PADI1: variants seen among roughly 807,000 people sequenced by gnomAD.
PADI1 encodes protein-arginine deiminase type-1.
Under a neutral mutation model 74.8 loss-of-function variants are expected in PADI1, and 65 were observed. That is an observed-to-expected ratio of 0.87 (90% CI 0.71 to 1.07). The LOEUF is 1.07. Among genes scored for constraint, PADI1 ranks in the 50% least tolerant of loss-of-function variants. The pLI, the probability that PADI1 is intolerant of heterozygous loss-of-function variation, is 0.00. For synonymous variants in PADI1, 371 were observed against 336.2 expected, an observed-to-expected ratio of 1.10 and a Z score of -1.13; for missense variants, 943 against 854.0, an observed-to-expected ratio of 1.10 and a Z score of -1.30.
intron 1 of PADI1, among the ~76,000 whole-genome samples, chr1:17,210,112 T>A (rs2071795199): frequency 6.6e-6 from 1 of 152,170 alleles, no homozygotes; most frequent in Non-Finnish European, 1.5e-5. Context: ...AGTGTTGGGA[T>A]TACAGGTGTG....
chr1:17,207,425 A>G (rs1309957938), intron 1 of PADI1, among the ~76,000 whole-genome samples: 2 of 152,260 alleles, frequency 1.3e-5, no homozygotes, highest in East Asian at 3.8e-4. Context: ...TCTGAAAATG[A>G]AGAAACAATA....
rs1395990970 is a variant in PADI1 at position 17,222,373 on chromosome 1, T to TGTGC, written c.177_178insTGCG (p.Lys60CysfsTer15). The TGTGC allele has an allele frequency of 3.1e-6, 5 of 1,613,884 alleles. No homozygotes were observed. In the Admixed American group the frequency reaches 8.3e-5, roughly 27 times the overall value. On this transcript the variant is annotated frameshift_variant, in exon 2 of 16. Coordinates refer to ENST00000375471, the MANE Select transcript of PADI1 (RefSeq NM_013358.3). LOFTEE classifies it high-confidence loss of function. Reference sequence around the variant, plus strand: ...TTCATGGTCTACAACCGCACACGTGTGAAAGAGCCCATAGGCAAGGCCCGT... The same window carrying TGTGC: ...TTCATGGTCTACAACCGCACACGTGTGTGCGAAAGAGCCCATAGGCAAGGCCCGT...
chr1:17,244,313 A>G lies in PADI1; in HGVS notation c.*70A>G, dbSNP rs1279007056. ...CCTGCCAGGGTGAAGGCAAGGAACA[A>G]CCACCTGGCCTCCATTCTCTTGGGG... On this transcript the variant is annotated 3_prime_UTR_variant, in exon 16 of 16. Transcript: ENST00000375471. 8.7e-7 allele frequency: 1 copy of G among 1,151,324 alleles called. No individual in the cohort carries two copies. Among genetic ancestry groups the G allele is most frequent in the East Asian group, 2.3e-5 (1 of 42,680 alleles). 71.3% of individuals were successfully genotyped at this position (1,151,324 alleles called of 1,614,324 possible).
chr1:17,237,523 G>A lies in PADI1; in HGVS notation c.1458+65G>A, dbSNP rs137873944. ...TGTCTGACCTGATGGGATGAGTCAG[G>A]GCAAAGCCATCTGGAACCAGCTCAA... On this transcript the variant is annotated intron_variant, in intron 12 of 15. Transcript: ENST00000375471. 5.4e-6 allele frequency: 8 copies of A among 1,474,620 alleles called. No individual in the cohort carries two copies. The African/African-American group carries it at 1.1e-4, about 21-fold the overall frequency. 91.3% of individuals were successfully genotyped at this position (1,474,620 alleles called of 1,614,324 possible). A position where few individuals can be genotyped will look rare whatever the true frequency, so the allele number is the denominator to read the frequency against.
intron 9 of PADI1, 104 bp downstream of exon 9, chr1:17,230,312 C>T (rs2072452132): frequency 1.4e-6 from 2 of 1,420,550 alleles, no homozygotes; most frequent in Non-Finnish European, 9.5e-7. Flanking sequence ...CCACGGCAGC[C>T]TGGGCCAGGC....
chr1:17,232,079 C>T (rs1295253712), intron 10 of PADI1, among the ~76,000 whole-genome samples: 1 of 152,150 alleles, frequency 6.6e-6, no homozygotes, highest in East Asian at 1.9e-4. Flanking sequence ...GCTGGGATTA[C>T]AGGTGTCCCC....
In PADI1 at chr1:17,222,467, C is replaced by T; in HGVS notation, c.270C>T (p.Phe90=). The T allele has an allele frequency of 6.2e-7, 1 of 1,612,188 alleles. No homozygotes were observed. Among genetic ancestry groups the T allele is most frequent in the Middle Eastern group, 1.7e-4 (1 of 6,058 alleles). ...VGTASKELKD[F]KVRVSYFGEQ... ...CAGCCAGTAAGGAATTAAAGGACTT[C>T]AAGGTAAGAGGCCACTTTCTCATAG... The change falls in exon 2 of 16, where the codon TTC becomes TTT. Residue 90 remains phenylalanine, a synonymous_variant. Coordinates refer to ENST00000375471, the MANE Select transcript of PADI1 (RefSeq NM_013358.3).
At chr1:17,208,075 C>T (rs1016806476) in intron 1 of PADI1, among the ~76,000 whole-genome samples, 5 of 152,236 alleles carry the variant, frequency 3.3e-5, no homozygotes, top group Non-Finnish European at 7.3e-5. Flanking sequence ...CCAACCCCTT[C>T]ACCCAGTGTC....
At chr1:17,237,581 A>C in intron 12 of PADI1, 123 bp downstream of exon 12, 1 of 944,306 alleles carries the variant, frequency 1.1e-6, no homozygotes, top group Non-Finnish European at 1.5e-6. Flanking sequence ...GGATTGGGAC[A>C]TTTTCTGGGT....
At chr1:17,223,189 C>T (rs1216754267) in intron 2 of PADI1, among the ~76,000 whole-genome samples, 1 of 152,172 alleles carries the variant, frequency 6.6e-6, no homozygotes, top group African/African-American at 2.4e-5. Context: ...GATTCTGGAC[C>T]ACGCTAAAAG....
chr1:17,240,112 G>A (rs901753471), intron 14 of PADI1: 5 of 336,524 alleles, frequency 1.5e-5, no homozygotes, highest in African/African-American at 1.0e-4. Flanking sequence ...ATAGGACCTT[G>A]AGGGGCCCAG....
chr1:17,225,456 A>G (rs1023636586), intron 4 of PADI1, among the ~76,000 whole-genome samples: 7 of 152,184 alleles, frequency 4.6e-5, no homozygotes, highest in African/African-American at 1.7e-4. Context: ...CCCGACCCTC[A>G]TCAAGGTCAT....
At chr1:17,229,145 G>A (rs2072415524) in intron 8 of PADI1, 94 bp downstream of exon 8, 13 of 791,744 alleles carry the variant, frequency 1.6e-5, no homozygotes, top group Admixed American at 2.3e-5. Context: ...TCACACCGAC[G>A]GATTCATTGC....
At chr1:17,209,315 C>T (rs1465603251) in intron 1 of PADI1, among the ~76,000 whole-genome samples, 1 of 152,178 alleles carries the variant, frequency 6.6e-6, no homozygotes. Context: ...AGGAAGAACA[C>T]TATTCACCAG....
chr1:17,215,393 ATCGTC>A (rs1557452856), intron 1 of PADI1, among the ~76,000 whole-genome samples: 1 of 130,062 alleles, frequency 7.7e-6, no homozygotes, highest in African/African-American at 3.8e-5. Flanking sequence ...CATCATCATC[ATCGTC>A]ATCATCATCA....
At chr1:17,213,044 C>T (rs2071875465) in intron 1 of PADI1, among the ~76,000 whole-genome samples, 1 of 152,222 alleles carries the variant, frequency 6.6e-6, no homozygotes, top group South Asian at 2.1e-4. Flanking sequence ...CCTTCCAGTC[C>T]CCGACAAGGG....
chr1:17,215,652 G>T (rs1170767428), intron 1 of PADI1, among the ~76,000 whole-genome samples: 1 of 152,112 alleles, frequency 6.6e-6, no homozygotes, highest in Admixed American at 6.5e-5. Context: ...AGGCCGACTG[G>T]ATTCAATCAT....
rs143089550 is a variant in PADI1 at position 17,223,692 on chromosome 1, C to T, written c.345C>T (p.Val115=). 7.7e-5 allele frequency: 124 copies of T among 1,613,340 alleles called. No individual in the cohort carries two copies. The highest frequency in any genetic ancestry group is 1.1e-4 in the African/African-American group (8 of 74,902). ...GCAGCGTGCTTTACCTCACTGGCGT[C>T]GGTAAGTAGCAGCTCCCTGGCTGCC... ...LGRSVLYLTG[V]DISLEVDTGR... is the part of the protein sequence containing the mutation. Residue 115 remains valine (V), a splice_region_variant and synonymous_variant, in exon 3 of 16, where the codon GTC becomes GTT. Transcript: ENST00000375471.
chr1:17,239,930 T>C, intron 14 of PADI1, 147 bp downstream of exon 14: 1 of 644,872 alleles, frequency 1.6e-6, no homozygotes, highest in East Asian at 2.8e-5. Flanking sequence ...ATAGAGCCTC[T>C]GCCTTCAGGA....
Sources: allele counts gnomAD v4.1 joint callset (sites outside exome capture counted in the v4.1 genomes callset), GRCh38; gene constraint gnomAD v4.1.1; transcripts MANE v1.5; gene names NCBI Gene and HGNC (gene_info 2026-07-23, HGNC 2026-07-21).